PDGFC: variants seen among roughly 807,000 people sequenced by gnomAD.
PDGFC encodes platelet derived growth factor C.
A neutral mutation model predicts 35.5 loss-of-function variants in PDGFC; 12 were observed. The observed-to-expected ratio is 0.34, with a 90% CI of 0.22 to 0.55. The LOEUF is 0.55. Among genes scored for constraint, PDGFC ranks in the 20% least tolerant of loss-of-function variants. The pLI is 0.91. For synonymous variants in PDGFC, 159 were observed against 148.8 expected (o/e 1.07, Z -0.50); for missense variants, 322 against 412.4 (o/e 0.78, Z 1.90).
chr4:156,766,284 G>C (rs567612433), intron 5 of PDGFC, among the ~76,000 whole-genome samples: 1 of 152,146 alleles, frequency 6.6e-6, no homozygotes, highest in African/African-American at 2.4e-5. Context: ...ACATATATAA[G>C]GTTCCTGACT....
intron 3 of PDGFC, among the ~76,000 whole-genome samples, chr4:156,809,593 G>T (rs1731874473): frequency 6.6e-6 from 1 of 151,782 alleles, no homozygotes; most frequent in Non-Finnish European, 1.5e-5. Context: ...CATATACTAT[G>T]TCTACTATGT....
intron 3 of PDGFC, among the ~76,000 whole-genome samples, chr4:156,807,561 G>A (rs1490647115): frequency 1.3e-5 from 2 of 151,942 alleles, no homozygotes; most frequent in African/African-American, 4.8e-5. Flanking sequence ...AAAAGAGTGG[G>A]TAAATCATCT....
At chr4:156,790,095 T>C (rs1731253437) in intron 3 of PDGFC, among the ~76,000 whole-genome samples, 1 of 152,168 alleles carries the variant, frequency 6.6e-6, no homozygotes, top group African/African-American at 2.4e-5. Flanking sequence ...ATTTATCATT[T>C]TATGAGTGTG....
chr4:156,958,004 C>CT (rs2110961447), intron 1 of PDGFC, among the ~76,000 whole-genome samples: 1 of 152,068 alleles, frequency 6.6e-6, no homozygotes, highest in South Asian at 2.1e-4. Flanking sequence ...AAATATATAT[C>CT]TCCCCTAACA....
chr4:156,806,054 A>G (rs898702720), intron 3 of PDGFC, among the ~76,000 whole-genome samples: 2 of 152,120 alleles, frequency 1.3e-5, no homozygotes, highest in African/African-American at 2.4e-5. Context: ...ATACTATACT[A>G]TATTATTAAT....
chr4:156,940,995 G>A lies in PDGFC; in HGVS notation c.118+29791C>T, dbSNP rs12641847. Among the ~76,000 whole-genome samples, 16 of 152,174 alleles carry A rather than the reference G, an allele frequency of 1.1e-4. No homozygotes were observed. In the East Asian group the frequency reaches 2.3e-3, roughly 22 times the overall value. On this transcript the variant is annotated intron_variant, in intron 1 of 5. Transcript: ENST00000502773. Reference sequence around the variant, plus strand: ...ATGTTTGAACTTTCTTGGCTCTAACGTCAATGTGGTAACTATCAATAGATA... The same window carrying A: ...ATGTTTGAACTTTCTTGGCTCTAACATCAATGTGGTAACTATCAATAGATA...
At chr4:156,866,193 G>T (rs1462178831) in intron 1 of PDGFC, among the ~76,000 whole-genome samples, 1 of 152,114 alleles carries the variant, frequency 6.6e-6, no homozygotes. Flanking sequence ...ACCCATGAGT[G>T]AGAACATGCA....
chr4:156,862,944 C>T (rs186734828), intron 1 of PDGFC, among the ~76,000 whole-genome samples: 1 of 152,250 alleles, frequency 6.6e-6, no homozygotes, highest in Non-Finnish European at 1.5e-5. Flanking sequence ...CCATCCACCT[C>T]AGCCTCCCAA....
At chr4:156,876,566 C>G (rs1170594456) in intron 1 of PDGFC, 1 of 152,046 alleles carries the variant, frequency 6.6e-6, no homozygotes, top group Admixed American at 6.6e-5. Flanking sequence ...GTTTATATAT[C>G]GCATGAAAAT....
At chr4:156,871,993 TG>T (rs1729994862) in intron 1 of PDGFC, among the ~76,000 whole-genome samples, 1 of 151,106 alleles carries the variant, frequency 6.6e-6, no homozygotes, top group South Asian at 2.1e-4. Context: ...AATAAAGCAA[TG>T]GCAAATTTTA....
In PDGFC at chr4:156,806,172, G is replaced by C. The variant is rs145398768; in HGVS notation, c.495+4665C>G. Among the ~76,000 whole-genome samples, 437 of 152,096 alleles carry C rather than the reference G, an allele frequency of 2.9e-3. 3 individuals carry two copies. Among genetic ancestry groups the C allele is most frequent in the African/African-American group, 0.01 (421 of 41,494 alleles). ...AAAATGTAAAATCATAGAAGTGATA[G>C]AACAAATCAGGCGGCAACTTAAAGG... On this transcript the variant is annotated intron_variant, in intron 3 of 5. Coordinates refer to ENST00000502773, the MANE Select transcript of PDGFC (RefSeq NM_016205.3).
chr4:156,770,836 G>A (rs1364547409), intron 4 of PDGFC, among the ~76,000 whole-genome samples: 1 of 152,130 alleles, frequency 6.6e-6, no homozygotes, highest in African/African-American at 2.4e-5. Flanking sequence ...GTCTATTACT[G>A]TAATGTAATC....
At chr4:156,799,588 T>C (rs1731541463) in intron 3 of PDGFC, among the ~76,000 whole-genome samples, 1 of 152,210 alleles carries the variant, frequency 6.6e-6, no homozygotes, top group Non-Finnish European at 1.5e-5. Flanking sequence ...AAATACTTGC[T>C]TTCCAATTTT....
Position 156,847,103 on chromosome 4 carries a change from C to A in PDGFC, c.314+3118G>T, listed in dbSNP as rs143001979. 3.3e-5 allele frequency among the ~76,000 whole-genome samples: 5 copies of A among 151,670 alleles called. No homozygotes were observed. The East Asian group carries it at 9.7e-4, about 29-fold the overall frequency. ...GACAAACCTTCTTTGCTGAAGAATT[C>A]CAAATAATATATGCATATACCCTTT... On this transcript the variant is annotated intron_variant, in intron 2 of 5. Coordinates refer to ENST00000502773, the MANE Select transcript of PDGFC (RefSeq NM_016205.3).
rs1378704067 is a variant in PDGFC at position 156,868,233 on chromosome 4, G to A, written c.119-17817C>T. On this transcript the variant is annotated intron_variant, in intron 1 of 5. Transcript: ENST00000502773. ...ATGTCACAAATCTGAAAGTTTTAGT[G>A]ACAATCATACCTGTCACCAAAAATA... Among the ~76,000 whole-genome samples the A allele has an allele frequency of 2.6e-5, 4 of 152,178 alleles. No individual in the cohort carries two copies. The East Asian group carries it at 7.7e-4, about 29-fold the overall frequency.
intron 3 of PDGFC, among the ~76,000 whole-genome samples, chr4:156,801,583 A>G (rs900936371): frequency 1.2e-4 from 18 of 152,180 alleles, no homozygotes; most frequent in Non-Finnish European, 1.5e-5. Context: ...CTTGGAAGCC[A>G]TTTATAGAGC....
At chr4:156,840,791 C>G (rs932567936) in intron 2 of PDGFC, among the ~76,000 whole-genome samples, 1 of 152,164 alleles carries the variant, frequency 6.6e-6, no homozygotes, top group African/African-American at 2.4e-5. Flanking sequence ...TCAGCATGAT[C>G]GGAAAGTGAG....
At chr4:156,841,344 CCTT>C (rs1729200151) in intron 2 of PDGFC, 1 of 154,558 alleles carries the variant, frequency 6.5e-6, no homozygotes, top group South Asian at 2.0e-4. Context: ...AGGGGCTTCT[CCTT>C]CTTTTGCTCA....
intron 1 of PDGFC, among the ~76,000 whole-genome samples, chr4:156,931,192 T>A (rs1731541975): frequency 6.6e-6 from 1 of 152,180 alleles, no homozygotes; most frequent in Non-Finnish European, 1.5e-5. Context: ...CTGATAAACA[T>A]GAATTCTTTT....
Sources: gnomAD v4.1 joint callset for allele counts (sites outside exome capture counted in the v4.1 genomes callset) on GRCh38, gnomAD v4.1.1 for gene constraint, MANE v1.5 for transcripts, NCBI Gene and HGNC (gene_info 2026-07-23, HGNC 2026-07-21) for gene names.